PIGR: variants seen among roughly 807,000 people sequenced by gnomAD.
PIGR encodes the protein polymeric immunoglobulin receptor, also known as hepatocellular carcinoma associated protein TB6.
In PIGR, 22 loss-of-function variants were observed where a neutral mutation model predicts 69.5. The observed-to-expected ratio is 0.32, with a 90% CI of 0.23 to 0.45. The LOEUF (loss-of-function observed/expected upper bound fraction) is 0.45. Among genes scored for constraint, PIGR ranks in the 20% least tolerant of loss-of-function variants. The probability of loss-of-function intolerance (pLI) is 1.00; values close to 1 mark genes in which losing one functional copy is unlikely to be tolerated. For missense variants in PIGR, 885 were observed against 974.0 expected, an observed-to-expected ratio of 0.91 and a Z score of 1.22; for synonymous variants, 413 against 407.6, an observed-to-expected ratio of 1.01 and a Z score of -0.16.
chr1:206,942,590 C>T (rs750669372), intron 1 of PIGR, among the ~76,000 whole-genome samples: 5 of 152,190 alleles, frequency 3.3e-5, no homozygotes, highest in African/African-American at 7.2e-5. Context: ...CTCATATTTG[C>T]GTGAGACAGG....
At chr1:206,933,216 A>G (rs778337010) in intron 6 of PIGR, 50 bp from the exon 7 acceptor site, 30 of 1,583,724 alleles carry the variant, frequency 1.9e-5, no homozygotes, top group Non-Finnish European at 2.4e-5. Flanking sequence ...CTATGCTCTT[A>G]CTCCTCGAGG....
At position 206,928,850 on chromosome 1, in the gene PIGR, A is replaced by C. The variant is rs187188309; in HGVS notation, c.*1468T>G. Reference sequence around the variant, plus strand: ...CTCCTTATTCTAAAACTGTGCCTCCAACAGAGGGGCAGGGGCTCTTGTAGA... The same window carrying C: ...CTCCTTATTCTAAAACTGTGCCTCCCACAGAGGGGCAGGGGCTCTTGTAGA... On this transcript the variant is annotated 3_prime_UTR_variant, in exon 11 of 11. Transcript: ENST00000356495. 6.5e-6 allele frequency: 1 copy of C among 152,676 alleles called. No homozygotes were observed. The highest frequency in any genetic ancestry group is 6.5e-5 in the Admixed American group (1 of 15,300). 9.5% of individuals were successfully genotyped at this position (152,676 alleles called of 1,614,324 possible).
At chr1:206,934,832 C>T in intron 5 of PIGR, 86 bp from the exon 6 acceptor site, 1 of 866,542 alleles carries the variant, frequency 1.2e-6, no homozygotes, top group Non-Finnish European at 1.7e-6. Flanking sequence ...GAATCTTTGT[C>T]CACATGTCAT....
Position 206,935,917 on chromosome 1 carries a change from G to A in PIGR, c.1046-99C>T. The A allele has an allele frequency of 1.2e-6, 1 of 853,590 alleles. No individual in the cohort carries two copies. The allele number at this position is 853,590 out of a possible 1,614,324, so 52.9% of individuals were successfully genotyped here. On this transcript the variant is annotated intron_variant, in intron 4 of 10. Transcript: ENST00000356495. This position sits in a 1 kb window ranked among gnomAD's most constrained non-coding sequence, Gnocchi z 4.4. ...TTCCCGGGGTCTCAGCCAGGATGGG[G>A]AGTGAAGTTTACACGCATCACCTTA...
chr1:206,939,298 G>A lies in PIGR; in HGVS notation c.209C>T (p.Ser70Leu), dbSNP rs1679934645. 2.5e-6 allele frequency: 4 copies of A among 1,614,114 alleles called. No homozygotes were observed. The highest frequency in any genetic ancestry group is 1.7e-6 in the Non-Finnish European group (2 of 1,180,046). Residue 70 changes from serine to leucine, a missense_variant, in exon 3 of 11, where the codon TCG (serine) becomes TTG (leucine). Transcript: ENST00000356495. Reference protein sequence around the residue: ...ARGGCITLISSEGYVSSKYAG... With the variant: ...ARGGCITLISLEGYVSSKYAG... ...ATATTTGCTGGAGACGTAGCCCTCC[G>A]AGGAGATGAGGGTTATGCAGCCACC...
In PIGR at chr1:206,940,502, C is replaced by T; in HGVS notation, c.30G>A (p.Leu10=). The T allele has an allele frequency of 1.3e-6, 2 of 1,551,524 alleles. No individual in the cohort carries two copies. The highest frequency in any genetic ancestry group is 2.4e-5 in the South Asian group (2 of 84,016). The stretch of plus-strand genomic sequence containing the variant: ...TGGCAGACACACCTGGGAAGACCGC[C>T]AGCAGGCAGGTGAGCACGAAGAGCA... MLLFVLTCL[L]AVFPAISTKS... is the part of the protein sequence containing the mutation. Residue 10 remains leucine, a synonymous_variant, in exon 2 of 11, where the codon CTG becomes CTA. Transcript: ENST00000356495.
chr1:206,930,070 AC>A lies in PIGR; in HGVS notation c.*247del, dbSNP rs1679702470. 6 of 416,536 alleles carry A rather than the reference AC, an allele frequency of 1.4e-5. No individual in the cohort carries two copies. In the East Asian group the frequency reaches 2.2e-4, roughly 15 times the overall value. 25.8% of individuals were successfully genotyped at this position (416,536 alleles called of 1,614,324 possible). ...CATGAGGACCTCTATTCTTCTCCGT[AC>A]CTGAGGTTCTCTCAACAGAAAGAAG... On this transcript the variant is annotated 3_prime_UTR_variant, in exon 11 of 11. Coordinates refer to ENST00000356495, the MANE Select transcript of PIGR (RefSeq NM_002644.4). The surrounding 1 kb of genome is among the most constrained non-coding windows in gnomAD (Gnocchi z 4.3).
rs373100715 is a variant in PIGR, at chr1:206,939,453, C to T, written c.54G>A (p.Thr18=). ...CLLAVFPAIS[T]KSPIFGPEEV... ...CCTCGGGACCAAATATGGGACTCTT[C>T]GTGGAGATGGCTGTGGGAACAGAAG... is the stretch of plus-strand genomic sequence containing the variant. Residue 18 remains threonine (T), a synonymous_variant, in exon 3 of 11, where the codon ACG becomes ACA. Coordinates refer to ENST00000356495, the MANE Select transcript of PIGR (RefSeq NM_002644.4). 2.1e-5 allele frequency: 34 copies of T among 1,596,388 alleles called. No homozygotes were observed. The highest frequency in any genetic ancestry group is 5.4e-5 in the African/African-American group (4 of 74,662).
chr1:206,930,842 G>T lies in PIGR; in HGVS notation c.2200-429C>A. On this transcript the variant is annotated intron_variant, in intron 10 of 10. Transcript: ENST00000356495. This position sits in a 1 kb window ranked among gnomAD's most constrained non-coding sequence, Gnocchi z 4.3. The stretch of plus-strand genomic sequence containing the variant: ...CCCAGGAATAACTCGTTCTAACTTT[G>T]CTAAATGCCAGAGATGTTTCAAGAA... 1.0e-6 allele frequency: 1 copy of T among 985,374 alleles called. No individual in the cohort carries two copies. The highest frequency in any genetic ancestry group is 1.2e-6 in the Non-Finnish European group (1 of 829,924). 61.0% of individuals were successfully genotyped at this position (985,374 alleles called of 1,614,324 possible).
rs547298001 is a variant in PIGR, at chr1:206,931,881, C to T, written c.2009-79G>A. 386 of 1,526,576 alleles carry T rather than the reference C, an allele frequency of 2.5e-4. 4 individuals carry two copies. In the South Asian group the frequency reaches 4.0e-3, roughly 16 times the overall value. 94.6% of individuals were successfully genotyped at this position (1,526,576 alleles called of 1,614,324 possible). ...CCAGGCTGGGCTGCTTCTCTCTGGG[C>T]GGATCCACTGTAGCCCTGCAGGACA... On this transcript the variant is annotated intron_variant, in intron 8 of 10. Transcript: ENST00000356495.
At chr1:206,936,982 T>C in intron 4 of PIGR, 113 bp downstream of exon 4, 1 of 1,055,748 alleles carries the variant, frequency 9.5e-7, no homozygotes. Flanking sequence ...GGTCATTGAG[T>C]GGATGCTGTT....
At chr1:206,942,916 C>T (rs1409504131) in intron 1 of PIGR, among the ~76,000 whole-genome samples, 1 of 152,180 alleles carries the variant, frequency 6.6e-6, no homozygotes, top group Non-Finnish European at 1.5e-5. Context: ...GGAGAGGATA[C>T]CCCTGCTTTC....
Position 206,937,438 on chromosome 1 carries a change from G to C in PIGR, c.702C>G (p.Asp234Glu). The change falls in exon 4 of 11, where the codon GAC becomes GAG. Residue 234 changes from aspartate (D) to glutamate (E), a missense_variant. Physicochemically the swap from Asp to Glu is conservative, Grantham distance 45. Coordinates refer to ENST00000356495, the MANE Select transcript of PIGR (RefSeq NM_002644.4). The part of the protein sequence containing the change: ...DDSNSNKKNA[D>E]LQVLKPEPEL... The stretch of plus-strand genomic sequence containing the variant: ...CGGGCTCGGGCTTTAGCACTTGGAG[G>C]TCAGCATTCTTCTTATTACTATTGG... 6 of 1,614,134 alleles carry C rather than the reference G, an allele frequency of 3.7e-6. No homozygotes were observed. The highest frequency in any genetic ancestry group is 5.1e-6 in the Non-Finnish European group (6 of 1,180,012).
rs1298524062 is a variant in PIGR, at chr1:206,933,155, C to T, written c.1717G>A (p.Val573Ile). Residue 573 changes from valine (V) to isoleucine (I), a missense_variant, in exon 7 of 11, where the codon GTC (valine) becomes ATC (isoleucine). Coordinates refer to ENST00000356495, the MANE Select transcript of PIGR (RefSeq NM_002644.4). ...GCAGCGTCTGCCTTCGCTAGGCTGA[C>T]ATCGCGGGACCCTGCAGCAGGGAAG... ...EERKAAGSRD[V>I]SLAKADAAPD... 6.2e-7 allele frequency: 1 copy of T among 1,614,110 alleles called. No individual in the cohort carries two copies. Among genetic ancestry groups the T allele is most frequent in the Non-Finnish European group, 8.5e-7 (1 of 1,180,008 alleles).
chr1:206,938,518 C>T (rs533478559), intron 3 of PIGR, among the ~76,000 whole-genome samples: 1 of 152,298 alleles, frequency 6.6e-6, no homozygotes, highest in East Asian at 1.9e-4. Context: ...CTAAAACAGC[C>T]TCATTGTTAA....
At chr1:206,940,648 A>G (rs1679964707) in intron 1 of PIGR, 64 bp from the exon 2 acceptor site, 1 of 1,008,722 alleles carries the variant, frequency 9.9e-7, no homozygotes, top group Non-Finnish European at 1.4e-6. Context: ...TTGACCTTAG[A>G]GTTTCTGTGA....
Position 206,930,482 on chromosome 1 carries a change from G to A in PIGR, c.2200-69C>T, listed in dbSNP as rs1314565834. On this transcript the variant is annotated intron_variant, in intron 10 of 10. Transcript: ENST00000356495. The surrounding 1 kb of genome is among the most constrained non-coding windows in gnomAD (Gnocchi z 4.3). ...CAGTGGGTGGAGTCAGGGGAGGGGA[G>A]GTGCTTAATGTCCTGAATTCGTGAT... is the stretch of plus-strand genomic sequence containing the variant. 35 of 1,529,558 alleles carry A rather than the reference G, an allele frequency of 2.3e-5. No homozygotes were observed. Among genetic ancestry groups the A allele is most frequent in the Non-Finnish European group, 3.1e-5 (35 of 1,138,416 alleles). 94.7% of individuals were successfully genotyped at this position (1,529,558 alleles called of 1,614,324 possible).
rs1206999902 is a variant in PIGR, at chr1:206,929,406, G to A, written c.*912C>T. Reference sequence around the variant, plus strand: ...ACTAAAAATACAAAAAATTAGCCAGGCGTGCTGGCAGGCGCCTGTAGTCCC... The same window carrying A: ...ACTAAAAATACAAAAAATTAGCCAGACGTGCTGGCAGGCGCCTGTAGTCCC... On this transcript the variant is annotated 3_prime_UTR_variant, in exon 11 of 11. Transcript: ENST00000356495. 1 of 151,812 alleles carries A rather than the reference G, an allele frequency of 6.6e-6. No homozygotes were observed. The highest frequency in any genetic ancestry group is 2.4e-5 in the African/African-American group (1 of 41,284). The allele number at this position is 151,812 out of a possible 1,614,324, so 9.4% of individuals were successfully genotyped here.
At chr1:206,934,813 C>G in intron 5 of PIGR, 67 bp from the exon 6 acceptor site, 2 of 1,129,184 alleles carry the variant, frequency 1.8e-6, no homozygotes, top group South Asian at 2.9e-5. Context: ...AGGGAAGTGA[C>G]TCTGGTGGGA....
Sources: allele counts gnomAD v4.1 joint callset (sites outside exome capture counted in the v4.1 genomes callset), GRCh38; gene constraint gnomAD v4.1.1; non-coding constraint Gnocchi (gnomAD v3.1); transcripts MANE v1.5; gene names NCBI Gene and HGNC (gene_info 2026-07-23, HGNC 2026-07-21).